The following AGAP5 variants were observed in gnomAD, a reference collection of about 807,000 sequenced individuals.
The protein encoded by AGAP5 is arf-GAP with GTPase, ANK repeat and PH domain-containing protein 5.
Under a neutral mutation model 27.7 loss-of-function variants are expected in AGAP5, and 8 were observed. The ratio of observed to expected loss-of-function variants is 0.29; its 90% CI spans 0.17 to 0.52. AGAP5 has a LOEUF of 0.52. AGAP5 is among the 20% of genes least tolerant of loss of function. The pLI, the probability that AGAP5 is intolerant of heterozygous loss-of-function variation, is 0.97. For synonymous variants in AGAP5, 111 were observed against 338.0 expected (o/e 0.33, Z 7.37); for missense variants, 285 against 880.8 (o/e 0.32, Z 8.56).
At position 73,674,541 on chromosome 10, in the gene AGAP5, C is replaced by T. The variant is rs2081959218; in HGVS notation, c.*58G>A. 2 of 1,553,824 alleles carry T rather than the reference C, an allele frequency of 1.3e-6. No individual in the cohort carries two copies. The highest frequency in any genetic ancestry group is 1.8e-5 in the Admixed American group (1 of 56,776). ...ATTTCCTTTTGAAATTCTGAGTTAT[C>T]CTTATTTTTCCCATTTTGTTTTTGC... On this transcript the variant is annotated 3_prime_UTR_variant, in exon 8 of 8. Transcript: ENST00000374094.
rs3878010 is a variant in AGAP5 at position 73,676,055 on chromosome 10, G to C, written c.605C>G (p.Thr202Arg). Residue 202 changes from threonine (T) to arginine (R), a missense_variant, in exon 8 of 8, where the codon ACG (threonine) becomes AGG (arginine). Thr to Arg is a moderately conservative substitution (Grantham distance 71). Coordinates refer to ENST00000374094, the MANE Select transcript of AGAP5 (RefSeq NM_001144000.4). ...ACTCCCACCTCCATTTCTGTTCTTCGTAATGTGCACGGTGGAAACCTGTGT... is the reference window on the plus strand; with the variant it reads ...ACTCCCACCTCCATTTCTGTTCTTCCTAATGTGCACGGTGGAAACCTGTGT... ...HSFAVSTVHI[T>R]KNRNGGGSLN... is the part of the protein sequence containing the mutation. The C allele has an allele frequency of 1.1e-5, 18 of 1,609,188 alleles. No individual in the cohort carries two copies. The highest frequency in any genetic ancestry group is 1.7e-5 in the Admixed American group (1 of 59,658).
At position 73,675,312 on chromosome 10, in the gene AGAP5, C is replaced by T. The variant is rs1028293792; in HGVS notation, c.1348G>A (p.Glu450Lys). Residue 450 changes from glutamate to lysine, a missense_variant, in exon 8 of 8, where the codon GAG (glutamate) becomes AAG (lysine). Coordinates refer to ENST00000374094, the MANE Select transcript of AGAP5 (RefSeq NM_001144000.4). ...AGCTGGGACTTGCTTTTACTGCTCT[C>T]GCATGACTGCAGGCTGGCCAGGATC... ...SQILASLQSC[E>K]SSKSKSQLTS... The T allele has an allele frequency of 3.8e-5, 61 of 1,612,968 alleles. No individual in the cohort carries two copies. Among genetic ancestry groups the T allele is most frequent in the Non-Finnish European group, 4.7e-5 (55 of 1,179,858 alleles).
chr10:73,690,582 G>A (rs1232853033), intron 4 of AGAP5, among the ~76,000 whole-genome samples: 1 of 139,630 alleles, frequency 7.2e-6, no homozygotes, highest in Non-Finnish European at 1.5e-5. Context: ...CCCCCTCTGC[G>A]AGAAACACCC....
intron 4 of AGAP5, among the ~76,000 whole-genome samples, chr10:73,689,836 C>A (rs2082100162): frequency 6.6e-6 from 1 of 151,828 alleles, no homozygotes; most frequent in Non-Finnish European, 1.5e-5. Context: ...GCCTGGCAGC[C>A]ACCCCATCCA....
chr10:73,689,625 C>T (rs1399574889), intron 4 of AGAP5, among the ~76,000 whole-genome samples: 2 of 151,548 alleles, frequency 1.3e-5, no homozygotes, highest in South Asian at 2.1e-4. Context: ...ATGTGGGGAG[C>T]GCCTCTGCCC....
At chr10:73,690,937 A>AAACATAAAAAGC (rs1242046794) in intron 4 of AGAP5, among the ~76,000 whole-genome samples, 1 of 152,238 alleles carries the variant, frequency 6.6e-6, no homozygotes. Flanking sequence ...CCCCCCAAAC[A>AAACATAAAAAGC]AACATAAAAA....
Position 73,692,024 on chromosome 10 carries a change from T to C in AGAP5, c.396+19A>G, listed in dbSNP as rs748517261. On this transcript the variant is annotated intron_variant, in intron 4 of 7. Coordinates refer to ENST00000374094, the MANE Select transcript of AGAP5 (RefSeq NM_001144000.4). ...TATGTCAAACTATCAATTTCTTAAC[T>C]ATTTGAGTGTTTACTTACATGGTTT... 6.9e-6 allele frequency: 10 copies of C among 1,446,156 alleles called. No individual in the cohort carries two copies. The highest frequency in any genetic ancestry group is 8.4e-6 in the Non-Finnish European group (9 of 1,077,574). 89.6% of individuals were successfully genotyped at this position (1,446,156 alleles called of 1,614,324 possible).
chr10:73,689,841 C>A (rs563741473), intron 4 of AGAP5, among the ~76,000 whole-genome samples: 12 of 151,782 alleles, frequency 7.9e-5, no homozygotes, highest in South Asian at 4.2e-4. Flanking sequence ...GCAGCCACCC[C>A]ATCCAGGAGG....
At chr10:73,691,710 T>G (rs1031482395) in intron 4 of AGAP5, among the ~76,000 whole-genome samples, 1 of 152,182 alleles carries the variant, frequency 6.6e-6, no homozygotes, top group African/African-American at 2.4e-5. Context: ...CAGGGTCGTC[T>G]CAAACTCCTG....
At position 73,681,313 on chromosome 10, in the gene AGAP5, C is replaced by G. The variant is rs1221964642; in HGVS notation, c.498-1207G>C. 1.0e-5 allele frequency: 10 copies of G among 985,010 alleles called. No homozygotes were observed. The South Asian group carries it at 4.2e-4, about 42-fold the overall frequency. 61.0% of individuals were successfully genotyped at this position (985,010 alleles called of 1,614,324 possible). The stretch of plus-strand genomic sequence containing the variant: ...TCACAGAAAGATGCCTCACATCCAT[C>G]CTGATTTTCCTAAAAGGCTTCTCAG... On this transcript the variant is annotated intron_variant, in intron 5 of 7. Coordinates refer to ENST00000374094, the MANE Select transcript of AGAP5 (RefSeq NM_001144000.4).
chr10:73,696,628 T>C (rs1020859850), intron 2 of AGAP5, among the ~76,000 whole-genome samples: 23 of 152,182 alleles, frequency 1.5e-4, no homozygotes, highest in Non-Finnish European at 2.2e-4. Flanking sequence ...GTAAACTCCT[T>C]TGAGAAACCC....
At chr10:73,677,888 C>T (rs2081993401) in intron 6 of AGAP5, among the ~76,000 whole-genome samples, 3 of 152,068 alleles carry the variant, frequency 2.0e-5, no homozygotes, top group African/African-American at 7.2e-5. Context: ...TTTCACTGTC[C>T]CCTACAGGTA....
chr10:73,692,808 A>G (rs2082130611), intron 3 of AGAP5, among the ~76,000 whole-genome samples: 1 of 151,504 alleles, frequency 6.6e-6, no homozygotes, highest in African/African-American at 2.4e-5. Context: ...ATGCCTAGCT[A>G]ATTTTTTTTT....
In AGAP5 at chr10:73,675,631, C is replaced by G; in HGVS notation, c.1029G>C (p.Lys343Asn). 6.2e-7 allele frequency: 1 copy of G among 1,614,222 alleles called. No homozygotes were observed. The highest frequency in any genetic ancestry group is 1.7e-5 in the Admixed American group (1 of 60,024). The change falls in exon 8 of 8, where the codon AAG (lysine) becomes AAC (asparagine). Residue 343 changes from lysine to asparagine, a missense_variant. By Grantham distance (94) the Lys-to-Asn change is moderately conservative. Transcript: ENST00000374094. ...LRTSTIKVPG[K>N]WPSLATSACA... ...AGGCCGATGTGGCTAGGGATGGCCA[C>G]TTTCCTGGGACTTTGATGGTAGATG...
intron 1 of AGAP5, 116 bp downstream of exon 1, chr10:73,697,417 G>C (rs1337694488): frequency 2.5e-5 from 39 of 1,590,244 alleles, no homozygotes; most frequent in Admixed American, 8.6e-5. Context: ...CCAGCCCCCG[G>C]GAAAGCTGGC....
intron 6 of AGAP5, among the ~76,000 whole-genome samples, chr10:73,677,845 C>A (rs2081992842): frequency 6.6e-6 from 1 of 152,150 alleles, no homozygotes; most frequent in African/African-American, 2.4e-5. Flanking sequence ...CAGCATAAAT[C>A]AAGGCAGTGG....
At chr10:73,693,277 C>T (rs1211730347) in intron 3 of AGAP5, among the ~76,000 whole-genome samples, 2 of 152,326 alleles carry the variant, frequency 1.3e-5, no homozygotes, top group South Asian at 2.1e-4. Context: ...CTCATGTTAA[C>T]ATGTGACCCT....
At chr10:73,677,028 G>A (rs1230641655) in intron 6 of AGAP5, among the ~76,000 whole-genome samples, 2 of 152,090 alleles carry the variant, frequency 1.3e-5, no homozygotes, top group African/African-American at 4.8e-5. Context: ...AACAGGCCAT[G>A]GCAATAAACC....
In AGAP5 at chr10:73,697,992, G is replaced by T. The variant is rs1290936233; in HGVS notation, c.-237C>A. On this transcript the variant is annotated 5_prime_UTR_variant, in exon 1 of 8. Coordinates refer to ENST00000374094, the MANE Select transcript of AGAP5 (RefSeq NM_001144000.4). ...CCCCTGAGTTGACTTGTCTGGGAGG[G>T]TGAAGACCAGCTGGCTTATTTAATA... The T allele has an allele frequency of 1.4e-6, 2 of 1,466,332 alleles. No homozygotes were observed. The highest frequency in any genetic ancestry group is 1.8e-6 in the Non-Finnish European group (2 of 1,114,374). The allele number at this position is 1,466,332 out of a possible 1,614,324, so 90.8% of individuals were successfully genotyped here.
Sources: allele counts gnomAD v4.1 joint callset (sites outside exome capture counted in the v4.1 genomes callset), GRCh38; gene constraint gnomAD v4.1.1; transcripts MANE v1.5; gene names NCBI Gene and HGNC (gene_info 2026-07-23, HGNC 2026-07-21).